Variants in PPP1R9A observed in about 807,000 individuals in gnomAD.
The protein encoded by PPP1R9A is protein phosphatase 1 regulatory subunit 9A.
Under a neutral mutation model 141.9 loss-of-function variants are expected in PPP1R9A, and 59 were observed. The observed-to-expected ratio is 0.42, with a 90% CI of 0.34 to 0.52. PPP1R9A has a LOEUF of 0.52. Among genes scored for constraint, PPP1R9A ranks in the 20% least tolerant of loss-of-function variants. PPP1R9A has a pLI of 0.10. For missense variants in PPP1R9A, 1,444 were observed against 1,611.9 expected, an observed-to-expected ratio of 0.90 and a Z score of 1.78; for synonymous variants, 500 against 569.7, an observed-to-expected ratio of 0.88 and a Z score of 1.74.
At chr7:95,059,579 GAA>G (rs1162699639) in intron 2 of PPP1R9A, among the ~76,000 whole-genome samples, 2 of 152,192 alleles carry the variant, frequency 1.3e-5, no homozygotes, top group Admixed American at 1.3e-4. Flanking sequence ...GCCTGAGCAT[GAA>G]AGGTAGTCCT....
chr7:95,275,399 G>A (rs1000187718), intron 16 of PPP1R9A, among the ~76,000 whole-genome samples: 3 of 122,978 alleles, frequency 2.4e-5, no homozygotes, highest in African/African-American at 6.2e-5. Context: ...GCGAGACTCC[G>A]TCTCAAAAAA....
At chr7:94,979,723 G>A (rs934232752) in intron 2 of PPP1R9A, among the ~76,000 whole-genome samples, 4 of 152,140 alleles carry the variant, frequency 2.6e-5, no homozygotes, top group African/African-American at 9.7e-5. Flanking sequence ...GAAGGAGTAA[G>A]GCTCTTTACT....
intron 4 of PPP1R9A, among the ~76,000 whole-genome samples, chr7:95,145,064 A>G (rs1316121302): frequency 6.6e-6 from 1 of 152,202 alleles, no homozygotes; most frequent in Non-Finnish European, 1.5e-5. Flanking sequence ...ACTGTAATAC[A>G]TTGGTGAAAG....
intron 18 of PPP1R9A, among the ~76,000 whole-genome samples, chr7:95,287,919 C>A (rs949210906): frequency 6.6e-6 from 1 of 152,134 alleles, no homozygotes; most frequent in African/African-American, 2.4e-5. Flanking sequence ...AACTCCTGGC[C>A]TCAAGTGATC....
chr7:95,136,415 A>C (rs1032738791), intron 4 of PPP1R9A, among the ~76,000 whole-genome samples: 1 of 152,210 alleles, frequency 6.6e-6, no homozygotes, highest in Non-Finnish European at 1.5e-5. Context: ...ACATATCAAG[A>C]CCTTATTTCA....
At position 95,225,947 on chromosome 7, in the gene PPP1R9A, C is replaced by T; in HGVS notation, c.1957-14C>T. ...GTAAGGACAGCTGGATTTCTGAAAT[C>T]CCCTTCCTTTCAGACAGGAGAATAT... On this transcript the variant is annotated splice_polypyrimidine_tract_variant and intron_variant, in intron 7 of 19. Transcript: ENST00000433360. 1 of 1,589,190 alleles carries T rather than the reference C, an allele frequency of 6.3e-7. No homozygotes were observed. The highest frequency in any genetic ancestry group is 8.6e-7 in the Non-Finnish European group (1 of 1,160,652).
chr7:95,244,960 T>TG (rs1797922158), intron 8 of PPP1R9A, among the ~76,000 whole-genome samples: 1 of 152,190 alleles, frequency 6.6e-6, no homozygotes, highest in Non-Finnish European at 1.5e-5. Context: ...AATTTTCTAA[T>TG]GCTCCATAGA....
chr7:95,096,997 C>T (rs1209741045), intron 2 of PPP1R9A, among the ~76,000 whole-genome samples: 1 of 152,020 alleles, frequency 6.6e-6, no homozygotes, highest in East Asian at 1.9e-4. Flanking sequence ...TTATTACGGC[C>T]CTTATGTTGG....
At chr7:95,192,480 G>A (rs1835650878) in intron 5 of PPP1R9A, among the ~76,000 whole-genome samples, 2 of 151,982 alleles carry the variant, frequency 1.3e-5, no homozygotes, top group Non-Finnish European at 2.9e-5. Flanking sequence ...TGCCACCAAA[G>A]TTTCAGAACA....
At chr7:95,256,429 T>G (rs1799595420) in intron 12 of PPP1R9A, among the ~76,000 whole-genome samples, 1 of 152,126 alleles carries the variant, frequency 6.6e-6, no homozygotes, top group African/African-American at 2.4e-5. Flanking sequence ...CCTTTTCAAG[T>G]TTAAAAGTTT....
intron 2 of PPP1R9A, among the ~76,000 whole-genome samples, chr7:95,108,626 T>A (rs1320347357): frequency 6.6e-6 from 1 of 152,128 alleles, no homozygotes; most frequent in Non-Finnish European, 1.5e-5. Flanking sequence ...GCTAGATGTC[T>A]CAAAAATTAT....
intron 2 of PPP1R9A, among the ~76,000 whole-genome samples, chr7:94,935,823 C>T (rs1266352046): frequency 6.6e-6 from 1 of 152,064 alleles, no homozygotes; most frequent in African/African-American, 2.4e-5. Flanking sequence ...CCATTTTTGC[C>T]ATTTCATTCT....
intron 2 of PPP1R9A, among the ~76,000 whole-genome samples, chr7:94,969,247 G>C (rs890880217): frequency 2.6e-5 from 4 of 152,062 alleles, no homozygotes; most frequent in Non-Finnish European, 5.9e-5. Context: ...GGAATTTTCA[G>C]CCTTTTTGTG....
intron 2 of PPP1R9A, among the ~76,000 whole-genome samples, chr7:95,014,525 T>C (rs1310036492): frequency 1.3e-5 from 2 of 152,094 alleles, no homozygotes; most frequent in Non-Finnish European, 2.9e-5. Flanking sequence ...ATATTAACTT[T>C]GATCATTTTG....
chr7:95,031,280 A>G (rs904870055), intron 2 of PPP1R9A, among the ~76,000 whole-genome samples: 1 of 152,216 alleles, frequency 6.6e-6, no homozygotes, highest in South Asian at 2.1e-4. Context: ...TAGATGTAAC[A>G]TTAAATTTCT....
intron 2 of PPP1R9A, among the ~76,000 whole-genome samples, chr7:95,077,544 C>G (rs1359118557): frequency 6.6e-6 from 1 of 152,086 alleles, no homozygotes; most frequent in Non-Finnish European, 1.5e-5. Flanking sequence ...TATGAGGGAA[C>G]TGTAGAGGAG....
intron 2 of PPP1R9A, among the ~76,000 whole-genome samples, chr7:95,019,384 A>G (rs951887939): frequency 3.3e-5 from 5 of 152,216 alleles, no homozygotes; most frequent in African/African-American, 7.2e-5. Flanking sequence ...CTCAGTCTCA[A>G]TTAAAATAAA....
chr7:94,933,082 C>T (rs569150438), intron 2 of PPP1R9A, among the ~76,000 whole-genome samples: 8 of 151,692 alleles, frequency 5.3e-5, no homozygotes. Flanking sequence ...ATATATATGA[C>T]ATATATATAC....
At chr7:95,052,701 C>T (rs1028598200) in intron 2 of PPP1R9A, among the ~76,000 whole-genome samples, 5 of 152,164 alleles carry the variant, frequency 3.3e-5, no homozygotes, top group Non-Finnish European at 7.4e-5. Flanking sequence ...AGGGCCTTGT[C>T]AGTTCCTCAT....
Sources: gnomAD v4.1 joint callset for allele counts (sites outside exome capture counted in the v4.1 genomes callset) on GRCh38, gnomAD v4.1.1 for gene constraint, MANE v1.5 for transcripts, NCBI Gene and HGNC (gene_info 2026-07-23, HGNC 2026-07-21) for gene names.